CNOT6L: variants seen among roughly 807,000 people sequenced by gnomAD.
CNOT6L encodes the protein CCR4-NOT transcription complex subunit 6 like.
Under a neutral mutation model 64.0 loss-of-function variants are expected in CNOT6L, and 7 were observed. The observed-to-expected ratio is 0.11, with a 90% CI of 0.06 to 0.21. CNOT6L has a LOEUF of 0.21. Ranked by LOEUF, CNOT6L falls within the 10% of genes least tolerant of loss-of-function variation. The probability of loss-of-function intolerance (pLI) is 1.00; values close to 1 mark genes in which losing one functional copy is unlikely to be tolerated. For synonymous variants in CNOT6L, 193 were observed against 243.4 expected, an observed-to-expected ratio of 0.79 and a Z score of 1.93; for missense variants, 245 against 669.0, an observed-to-expected ratio of 0.37 and a Z score of 6.99.
intron 1 of CNOT6L, among the ~76,000 whole-genome samples, chr4:77,818,662 C>G (rs904567237): frequency 6.6e-6 from 1 of 152,126 alleles, no homozygotes; most frequent in Non-Finnish European, 1.5e-5. Flanking sequence ...AAGCCTTCGC[C>G]TCTCAGGAGA....
At chr4:77,732,053 C>T (rs1449536294) in intron 8 of CNOT6L, among the ~76,000 whole-genome samples, 1 of 152,050 alleles carries the variant, frequency 6.6e-6, no homozygotes, top group Non-Finnish European at 1.5e-5. Flanking sequence ...TCTACCACAT[C>T]AAGATATTTG....
chr4:77,810,938 C>T (rs1732866994), intron 1 of CNOT6L, among the ~76,000 whole-genome samples: 1 of 151,908 alleles, frequency 6.6e-6, no homozygotes, highest in African/African-American at 2.4e-5. Context: ...ACACAGTGTC[C>T]TCTAGTTCCA....
At chr4:77,746,307 CACTCATCTCTTAT>C (rs1724193587) in intron 6 of CNOT6L, among the ~76,000 whole-genome samples, 1 of 151,686 alleles carries the variant, frequency 6.6e-6, no homozygotes, top group Non-Finnish European at 1.5e-5. Context: ...GTGTTATTAC[CACTCATCTCTTAT>C]ACTCTGTTTC....
intron 9 of CNOT6L, among the ~76,000 whole-genome samples, chr4:77,730,509 T>G (rs926581110): frequency 6.6e-6 from 1 of 151,992 alleles, no homozygotes; most frequent in African/African-American, 2.4e-5. Flanking sequence ...CAAAAGATAT[T>G]CTCCACAATA....
chr4:77,740,028 T>A (rs79376028), intron 8 of CNOT6L, among the ~76,000 whole-genome samples: 1 of 8,466 alleles, frequency 1.2e-4, no homozygotes, highest in Non-Finnish European at 7.1e-4. Flanking sequence ...TACTGGTGCA[T>A]TTTTTTTTTA....
intron 1 of CNOT6L, among the ~76,000 whole-genome samples, chr4:77,807,305 A>G (rs1262951597): frequency 6.6e-6 from 1 of 151,048 alleles, no homozygotes; most frequent in African/African-American, 2.4e-5. Context: ...CCTACAATCT[A>G]AGGCTACAGG....
At chr4:77,733,872 G>A (rs545242841) in intron 8 of CNOT6L, among the ~76,000 whole-genome samples, 10 of 152,048 alleles carry the variant, frequency 6.6e-5, no homozygotes, top group African/African-American at 2.2e-4. Context: ...TGTCTTCTCC[G>A]GAAAAGAAAC....
intron 8 of CNOT6L, among the ~76,000 whole-genome samples, chr4:77,733,981 T>C (rs1166714498): frequency 6.6e-6 from 1 of 152,140 alleles, no homozygotes; most frequent in Non-Finnish European, 1.5e-5. Flanking sequence ...GGGTCTGTCT[T>C]TTTGAAAAGT....
chr4:77,736,374 C>T, intron 8 of CNOT6L, among the ~76,000 whole-genome samples: 1 of 152,194 alleles, frequency 6.6e-6, no homozygotes, highest in East Asian at 1.9e-4. Flanking sequence ...AGCATTAGTG[C>T]TGATGGCTGT....
In CNOT6L at chr4:77,716,450, C is replaced by T. The variant is rs1433796981; in HGVS notation, c.*3981G>A. 6.6e-6 allele frequency: 1 copy of T among 151,966 alleles called. No homozygotes were observed. Among genetic ancestry groups the T allele is most frequent in the Non-Finnish European group, 1.5e-5 (1 of 67,976 alleles). 9.4% of individuals were successfully genotyped at this position (151,966 alleles called of 1,614,324 possible). A position where few individuals can be genotyped will look rare whatever the true frequency, so the allele number is the denominator to read the frequency against. ...AAAGAATGTATTTAGCCTATTCTTC[C>T]CTGTGCTTTCTATAGTCTGCTGTTT... On this transcript the variant is annotated 3_prime_UTR_variant, in exon 12 of 12. Transcript: ENST00000504123.
In CNOT6L at chr4:77,718,156, T is replaced by TCTC. The variant is rs1205864488; in HGVS notation, c.*2272_*2274dup. The TCTC allele has an allele frequency of 6.6e-6, 1 of 152,382 alleles. No individual in the cohort carries two copies. Among genetic ancestry groups the TCTC allele is most frequent in the Non-Finnish European group, 1.5e-5 (1 of 67,984 alleles). 9.4% of individuals were successfully genotyped at this position (152,382 alleles called of 1,614,324 possible). ...CTTTAAATTCCATTTTATACAAACA[T>TCTC]CTCAAAAAATATTGGGAGTGAAGTA... On this transcript the variant is annotated 3_prime_UTR_variant, in exon 12 of 12. Coordinates refer to ENST00000504123, the MANE Select transcript of CNOT6L (RefSeq NM_144571.3).
At chr4:77,739,190 A>C (rs1286589647) in intron 8 of CNOT6L, among the ~76,000 whole-genome samples, 1 of 152,204 alleles carries the variant, frequency 6.6e-6, no homozygotes, top group African/African-American at 2.4e-5. Context: ...GGCAATTATG[A>C]TAGTTTCCAT....
At chr4:77,790,435 G>T (rs1324174761) in intron 1 of CNOT6L, among the ~76,000 whole-genome samples, 1 of 152,194 alleles carries the variant, frequency 6.6e-6, no homozygotes, top group Non-Finnish European at 1.5e-5. Context: ...CAAAAAGCAT[G>T]ATGGCTGGAT....
intron 1 of CNOT6L, among the ~76,000 whole-genome samples, chr4:77,813,443 T>C (rs1733190612): frequency 6.6e-6 from 1 of 152,102 alleles, no homozygotes; most frequent in Non-Finnish European, 1.5e-5. Context: ...GCTAAAAACG[T>C]TTGTGCCTCA....
chr4:77,805,080 T>C (rs1251800702), intron 1 of CNOT6L, among the ~76,000 whole-genome samples: 1 of 152,124 alleles, frequency 6.6e-6, no homozygotes, highest in African/African-American at 2.4e-5. Flanking sequence ...TTCATATACA[T>C]GGCAGGACCT....
intron 4 of CNOT6L, among the ~76,000 whole-genome samples, chr4:77,770,349 AT>A (rs780437012): frequency 1.3e-5 from 2 of 152,108 alleles, no homozygotes; most frequent in East Asian, 1.9e-4. Flanking sequence ...GTTCCATTCC[AT>A]TTTTTTGACA....
intron 8 of CNOT6L, among the ~76,000 whole-genome samples, chr4:77,739,956 A>C (rs1271844054): frequency 1.3e-5 from 2 of 152,160 alleles, no homozygotes; most frequent in Non-Finnish European, 2.9e-5. Context: ...AAAATCTTCC[A>C]TATTATCTTG....
chr4:77,795,972 G>A lies in CNOT6L; in HGVS notation c.6-19580C>T, dbSNP rs144303322. ...GGTGGTTTTTTTTTATTCATTGAAAGTGATCTTTTTTCTTTCCTTTTATCT... is the reference window on the plus strand; with the variant it reads ...GGTGGTTTTTTTTTATTCATTGAAAATGATCTTTTTTCTTTCCTTTTATCT... On this transcript the variant is annotated intron_variant, in intron 1 of 11. Coordinates refer to ENST00000504123, the MANE Select transcript of CNOT6L (RefSeq NM_144571.3). Among the ~76,000 whole-genome samples, 592 of 152,102 alleles carry A rather than the reference G, an allele frequency of 3.9e-3. 5 individuals carry two copies. Among genetic ancestry groups the A allele is most frequent in the African/African-American group, 0.014 (561 of 41,478 alleles).
chr4:77,817,976 T>C (rs1436546075), intron 1 of CNOT6L, among the ~76,000 whole-genome samples: 1 of 152,248 alleles, frequency 6.6e-6, no homozygotes, highest in Non-Finnish European at 1.5e-5. Context: ...TGAAATGTAC[T>C]GTAGACCTAT....
Sources: allele counts gnomAD v4.1 joint callset (sites outside exome capture counted in the v4.1 genomes callset), GRCh38; gene constraint gnomAD v4.1.1; transcripts MANE v1.5; gene names NCBI Gene and HGNC (gene_info 2026-07-23, HGNC 2026-07-21).